SPATC1L: variants seen among roughly 807,000 people sequenced by gnomAD.
SPATC1L encodes the protein speriolin-like protein.
A neutral mutation model predicts 21.2 loss-of-function variants in SPATC1L; 20 were observed. The ratio of observed to expected loss-of-function variants is 0.94; its 90% confidence interval spans 0.66 to 1.37. The LOEUF is 1.37. Among genes scored for constraint, SPATC1L ranks in the 40% most tolerant of loss-of-function variants. The pLI is 0.00. For synonymous variants in SPATC1L, 290 were observed against 234.5 expected (o/e 1.24, Z -2.16); for missense variants, 499 against 478.7 (o/e 1.04, Z -0.40).
intron 2 of SPATC1L, among the ~76,000 whole-genome samples, chr21:46,174,694 A>C (rs1216193685): frequency 6.6e-6 from 1 of 152,214 alleles, no homozygotes; most frequent in East Asian, 1.9e-4. Context: ...AGAGGCTTAG[A>C]CTCCCACATA....
chr21:46,161,299 G>A lies in SPATC1L; in HGVS notation c.*80C>T, dbSNP rs959104756. ...GGGGGACGCGGCCCTTTCCCCTCCG[G>A]GGGGACGCGCAGGAGGCACCGCGGC... On this transcript the variant is annotated 3_prime_UTR_variant, in exon 5 of 5. Coordinates refer to ENST00000291672, the MANE Select transcript of SPATC1L (RefSeq NM_001142854.2). 26 of 1,332,288 alleles carry A rather than the reference G, an allele frequency of 2.0e-5. No homozygotes were observed. Among genetic ancestry groups the A allele is most frequent in the African/African-American group, 3.1e-5 (2 of 65,428 alleles). The allele number at this position is 1,332,288 out of a possible 1,614,324, so 82.5% of individuals were successfully genotyped here.
At chr21:46,181,678 G>GCTCGCCAGACA (rs2079675204) in intron 2 of SPATC1L, among the ~76,000 whole-genome samples, 1 of 152,158 alleles carries the variant, frequency 6.6e-6, no homozygotes, top group Non-Finnish European at 1.5e-5. Context: ...TGGCCTCCCG[G>GCTCGCCAGACA]GCATGGCTCG....
chr21:46,174,615 A>G (rs2079618508), intron 2 of SPATC1L, among the ~76,000 whole-genome samples: 1 of 152,238 alleles, frequency 6.6e-6, no homozygotes, highest in Admixed American at 6.5e-5. Context: ...AGACCTAACT[A>G]CACTAAATAT....
intron 2 of SPATC1L, among the ~76,000 whole-genome samples, chr21:46,174,344 CAAAAAAA>C (rs200980627): frequency 2.9e-5 from 2 of 68,832 alleles, no homozygotes; most frequent in Admixed American, 1.6e-4. Context: ...AAAAACAAAA[CAAAAAAA>C]AAAAAAAAAC....
intron 2 of SPATC1L, among the ~76,000 whole-genome samples, chr21:46,172,815 A>T (rs2079603711): frequency 6.6e-6 from 1 of 152,216 alleles, no homozygotes; most frequent in South Asian, 2.1e-4. Context: ...GAGGGAGCAC[A>T]CAGAAGCTGG....
At position 46,168,243 on chromosome 21, in the gene SPATC1L, T is replaced by G. The variant is rs9977498; in HGVS notation, c.544+65A>C. 544 of 1,170,820 alleles carry G rather than the reference T, an allele frequency of 4.6e-4. 2 individuals are homozygous for G. In the African/African-American group the frequency reaches 7.2e-3, roughly 15 times the overall value. 72.5% of individuals were successfully genotyped at this position (1,170,820 alleles called of 1,614,324 possible). A position where few individuals can be genotyped will look rare whatever the true frequency, so the allele number is the denominator to read the frequency against. On this transcript the variant is annotated intron_variant, in intron 3 of 4. Coordinates refer to ENST00000291672, the MANE Select transcript of SPATC1L (RefSeq NM_001142854.2). ...ACGGCCCTGCCTGACCACCCAGTCA[T>G]GCCCTCCCCACAGCTGCCAGCCTGC...
At chr21:46,162,489 T>C (rs939307540) in intron 3 of SPATC1L, among the ~76,000 whole-genome samples, 1 of 151,942 alleles carries the variant, frequency 6.6e-6, no homozygotes, top group African/African-American at 2.4e-5. Context: ...AGTTCTTCTG[T>C]CTTGGCAACC....
Position 46,161,425 on chromosome 21 carries a change from A to T in SPATC1L, c.977T>A (p.Leu326Gln), listed in dbSNP as rs772515651. The stretch of plus-strand genomic sequence containing the variant: ...GCCGTCCTCCTTGGAGAGCTCGCAC[A>T]GGCAGTTGAGCAGCAGCAGCGAGTC... ...LGDSLLLLNC[L>Q]CELSKEDGKP... is the part of the protein sequence containing the mutation. The change falls in exon 5 of 5, where the codon CTG (leucine) becomes CAG (glutamine). Residue 326 changes from leucine (L) to glutamine (Q), a missense_variant. By Grantham distance (113) the Leu-to-Gln change is moderately radical. Coordinates refer to ENST00000291672, the MANE Select transcript of SPATC1L (RefSeq NM_001142854.2). The T allele has an allele frequency of 1.3e-5, 21 of 1,567,858 alleles. No homozygotes were observed. In the Admixed American group the frequency reaches 2.2e-4, roughly 17 times the overall value.
Position 46,168,361 on chromosome 21 carries a change from G to C in SPATC1L, c.491C>G (p.Ser164Trp). 1.2e-6 allele frequency: 2 copies of C among 1,604,732 alleles called. No homozygotes were observed. Among genetic ancestry groups the C allele is most frequent in the South Asian group, 2.2e-5 (2 of 90,600 alleles). Residue 164 changes from serine (S) to tryptophan (W), a missense_variant, in exon 3 of 5, where the codon TCG becomes TGG. Physicochemically the swap from Ser to Trp is radical, Grantham distance 177. Transcript: ENST00000291672. Reference sequence around the variant, plus strand: ...GTCCCCGGTGGGCAGGCTGCTCTCCGAGAAACACACCTTCTTAGGCCGGAC... The same window carrying C: ...GTCCCCGGTGGGCAGGCTGCTCTCCCAGAAACACACCTTCTTAGGCCGGAC... Reference protein sequence around the residue: ...EMVRPKKVCFSESSLPTGDRT... With the variant: ...EMVRPKKVCFWESSLPTGDRT...
Position 46,172,296 on chromosome 21 carries a change from C to T in SPATC1L, c.194-3638G>A, listed in dbSNP as rs566161759. 9.4e-4 allele frequency among the ~76,000 whole-genome samples: 142 copies of T among 151,792 alleles called. 3 individuals are homozygous for T. The highest frequency in any genetic ancestry group is 8.5e-4 in the Non-Finnish European group (58 of 67,916). ...ATGAGGCAGGGGTGTGTGCAGAGCA[C>T]GAGGCGGTGGGGTGGAGAGCAAGAG... On this transcript the variant is annotated intron_variant, in intron 2 of 4. Transcript: ENST00000291672.
At chr21:46,166,654 A>C (rs1187215554) in intron 3 of SPATC1L, among the ~76,000 whole-genome samples, 2 of 152,220 alleles carry the variant, frequency 1.3e-5, no homozygotes, top group Non-Finnish European at 2.9e-5. Flanking sequence ...AGTGGATTTC[A>C]AGACAAAAAC....
chr21:46,161,908 G>C lies in SPATC1L; in HGVS notation c.696+8C>G, dbSNP rs1322677921. 1 of 1,604,502 alleles carries C rather than the reference G, an allele frequency of 6.2e-7. No homozygotes were observed. Among genetic ancestry groups the C allele is most frequent in the African/African-American group, 1.3e-5 (1 of 75,008 alleles). ...CCCTCCTGGCCGCGCCCTCCCCACG[G>C]GGCGCACCTGCTCGATCTTCTCGGG... On this transcript the variant is annotated splice_region_variant and intron_variant, in intron 4 of 4. Transcript: ENST00000291672.
In SPATC1L at chr21:46,161,319, C is replaced by T. The variant is rs1265729369; in HGVS notation, c.*60G>A. 7 of 1,420,924 alleles carry T rather than the reference C, an allele frequency of 4.9e-6. No individual in the cohort carries two copies. The highest frequency in any genetic ancestry group is 4.6e-6 in the Non-Finnish European group (5 of 1,085,542). 88.0% of individuals were successfully genotyped at this position (1,420,924 alleles called of 1,614,324 possible). A position where few individuals can be genotyped will look rare whatever the true frequency, so the allele number is the denominator to read the frequency against. On this transcript the variant is annotated 3_prime_UTR_variant, in exon 5 of 5. Coordinates refer to ENST00000291672, the MANE Select transcript of SPATC1L (RefSeq NM_001142854.2). The stretch of plus-strand genomic sequence containing the variant: ...CTCCGGGGGGACGCGCAGGAGGCAC[C>T]GCGGCCCCGGGTTGGAACAAACGCG...
intron 2 of SPATC1L, among the ~76,000 whole-genome samples, chr21:46,177,696 G>A (rs1441401075): frequency 6.6e-6 from 1 of 152,142 alleles, no homozygotes; most frequent in Non-Finnish European, 1.5e-5. Flanking sequence ...ACAGTGTGGC[G>A]ATTCCTCGAA....
intron 2 of SPATC1L, among the ~76,000 whole-genome samples, chr21:46,173,166 G>GC (rs2079606343): frequency 6.6e-6 from 1 of 152,206 alleles, no homozygotes; most frequent in Non-Finnish European, 1.5e-5. Context: ...CCTGTTCTCT[G>GC]CAGGGTGGTC....
chr21:46,163,316 C>A (rs2079516622), intron 3 of SPATC1L, among the ~76,000 whole-genome samples: 1 of 152,202 alleles, frequency 6.6e-6, no homozygotes, highest in African/African-American at 2.4e-5. Context: ...CTTTGAAGCA[C>A]AAAAGTTTGT....
intron 3 of SPATC1L, among the ~76,000 whole-genome samples, chr21:46,163,364 G>T (rs1373817816): frequency 6.6e-6 from 1 of 152,158 alleles, no homozygotes; most frequent in Non-Finnish European, 1.5e-5. Context: ...AGTCCAATTT[G>T]TCTGTTTCTC....
intron 2 of SPATC1L, among the ~76,000 whole-genome samples, chr21:46,170,277 G>A (rs2079576045): frequency 6.7e-6 from 1 of 149,928 alleles, no homozygotes; most frequent in Non-Finnish European, 1.5e-5. Flanking sequence ...TGTGGATGGG[G>A]AGGAGCCTCC....
intron 2 of SPATC1L, among the ~76,000 whole-genome samples, chr21:46,178,571 C>T (rs1452476404): frequency 6.6e-6 from 1 of 152,112 alleles, no homozygotes; most frequent in African/African-American, 2.4e-5. Flanking sequence ...ACTTGTACCC[C>T]TGAACTTAAA....
Sources: allele counts gnomAD v4.1 joint callset (sites outside exome capture counted in the v4.1 genomes callset), GRCh38; gene constraint gnomAD v4.1.1; transcripts MANE v1.5; gene names NCBI Gene and HGNC (gene_info 2026-07-23, HGNC 2026-07-21).